Variants in RGS18 observed in about 807,000 individuals in gnomAD.
The protein encoded by RGS18 is regulator of G protein signaling 18.
A neutral mutation model predicts 27.6 loss-of-function variants in RGS18; 22 were observed. The ratio of observed to expected loss-of-function variants is 0.80; its 90% CI spans 0.57 to 1.14. RGS18 has a LOEUF of 1.14. Among genes scored for constraint, RGS18 ranks in the 50% most tolerant of loss-of-function variants. The pLI is 0.00. For synonymous variants in RGS18, 89 were observed against 84.6 expected (o/e 1.05, Z -0.29); for missense variants, 299 against 269.6 (o/e 1.11, Z -0.76).
At chr1:192,166,779 C>T (rs1249790444) in intron 3 of RGS18, among the ~76,000 whole-genome samples, 1 of 152,098 alleles carries the variant, frequency 6.6e-6, no homozygotes, top group Non-Finnish European at 1.5e-5. Context: ...AAAAAGAGAA[C>T]AGAGTAGAGT....
chr1:192,172,204 C>T (rs971935246), intron 3 of RGS18, among the ~76,000 whole-genome samples: 9 of 151,980 alleles, frequency 5.9e-5, no homozygotes, highest in Non-Finnish European at 1.3e-4. Context: ...GGAGGGGGCA[C>T]CTAGGGGATT....
At chr1:192,169,617 G>A (rs1345779293) in intron 3 of RGS18, 4 of 152,100 alleles carry the variant, frequency 2.6e-5, no homozygotes, top group Admixed American at 2.0e-4. Context: ...ATCAGCAGAA[G>A]GCACATTTCC....
chr1:192,180,470 C>T (rs1205198336), intron 3 of RGS18, among the ~76,000 whole-genome samples: 1 of 151,546 alleles, frequency 6.6e-6, no homozygotes, highest in Non-Finnish European at 1.5e-5. Flanking sequence ...TAATACCTGC[C>T]CCTAACATTT....
chr1:192,162,359 AGT>A (rs1656088969), intron 3 of RGS18, among the ~76,000 whole-genome samples: 1 of 152,066 alleles, frequency 6.6e-6, no homozygotes, highest in African/African-American at 2.4e-5. Context: ...CCTAGGCTGG[AGT>A]GCACTGGCAC....
In RGS18 at chr1:192,158,683, T is replaced by A; in HGVS notation, c.46T>A (p.Ser16Thr). 1 of 1,582,768 alleles carries A rather than the reference T, an allele frequency of 6.3e-7. No individual in the cohort carries two copies. The highest frequency in any genetic ancestry group is 2.3e-5 in the East Asian group (1 of 44,168). ...CTTTTCTCAAATAAATATGTGTGAATCAAAAGAAAAAACTTTTTTCAAGTT... is the reference window on the plus strand; with the variant it reads ...CTTTTCTCAAATAAATATGTGTGAAACAAAAGAAAAAACTTTTTTCAAGTT... ...LFFSQINMCE[S>T]KEKTFFKLIH... The change falls in exon 1 of 5, where the codon TCA (serine) becomes ACA (threonine). Residue 16 changes from serine to threonine, a missense_variant. By Grantham distance (58) the Ser-to-Thr change is moderately conservative. Coordinates refer to ENST00000367460, the MANE Select transcript of RGS18 (RefSeq NM_130782.3).
intron 3 of RGS18, among the ~76,000 whole-genome samples, chr1:192,167,369 G>A (rs537105213): frequency 8.6e-5 from 13 of 151,766 alleles, no homozygotes; most frequent in East Asian, 5.8e-4. Flanking sequence ...GAATTTCAGC[G>A]CTCTAAAAAT....
rs1478102034 is a variant in RGS18, at chr1:192,184,294, C to G, written c.451-3C>G. 3.7e-6 allele frequency: 6 copies of G among 1,601,810 alleles called. No homozygotes were observed. The highest frequency in any genetic ancestry group is 4.3e-6 in the Non-Finnish European group (5 of 1,171,430). ...TAATCACACTTTTTTTCTGTTTATC[C>G]AGGTTAACCTTGATTTTCACACAAA... On this transcript the variant is annotated splice_region_variant and splice_polypyrimidine_tract_variant and intron_variant, in intron 4 of 4. Coordinates refer to ENST00000367460, the MANE Select transcript of RGS18 (RefSeq NM_130782.3).
intron 3 of RGS18, among the ~76,000 whole-genome samples, chr1:192,171,080 G>A (rs1392868602): frequency 6.6e-6 from 1 of 152,100 alleles, no homozygotes; most frequent in Non-Finnish European, 1.5e-5. Flanking sequence ...CAATTATTTT[G>A]TAGCTAGACC....
chr1:192,162,468 C>G (rs1656090605), intron 3 of RGS18, among the ~76,000 whole-genome samples: 1 of 152,180 alleles, frequency 6.6e-6, no homozygotes, highest in South Asian at 2.1e-4. Flanking sequence ...GCCACCACAC[C>G]TGGCTAATTT....
rs187732462 is a variant in RGS18, at chr1:192,177,245, A to C, written c.284-4047A>C. Among the ~76,000 whole-genome samples, 248 of 151,784 alleles carry C rather than the reference A, an allele frequency of 1.6e-3. 1 individual carries two copies. Among genetic ancestry groups the C allele is most frequent in the African/African-American group, 5.7e-3 (238 of 41,496 alleles). The stretch of plus-strand genomic sequence containing the variant: ...ACATATTTTTGTCCATATTCACAAT[A>C]GGACACAATTTTGTGGATTTTTTTT... On this transcript the variant is annotated intron_variant, in intron 3 of 4. Coordinates refer to ENST00000367460, the MANE Select transcript of RGS18 (RefSeq NM_130782.3).
At chr1:192,176,038 G>A (rs1243633910) in intron 3 of RGS18, among the ~76,000 whole-genome samples, 1 of 151,820 alleles carries the variant, frequency 6.6e-6, no homozygotes, top group Non-Finnish European at 1.5e-5. Flanking sequence ...AAAGCAGCCT[G>A]TCCTGGTTTT....
rs369157580 is a variant in RGS18, at chr1:192,184,626, A to G, written c.*72A>G. On this transcript the variant is annotated 3_prime_UTR_variant, in exon 5 of 5. Transcript: ENST00000367460. ...TCTAACATATCGCATGTTTATGTTA[A>G]GATTTGGTCCCATCCTTTAAACTGA... The G allele has an allele frequency of 2.1e-6, 3 of 1,427,832 alleles. No individual in the cohort carries two copies. Among genetic ancestry groups the G allele is most frequent in the East Asian group, 2.3e-5 (1 of 42,948 alleles). 88.4% of individuals were successfully genotyped at this position (1,427,832 alleles called of 1,614,324 possible).
In RGS18 at chr1:192,173,216, A is replaced by G. The variant is rs374246611; in HGVS notation, c.284-8076A>G. ...TTAAAAAAATGTGGTAATCTAAGTTAAAATGAGTTGAACAGACAAAGCTAC... is the reference window on the plus strand; with the variant it reads ...TTAAAAAAATGTGGTAATCTAAGTTGAAATGAGTTGAACAGACAAAGCTAC... On this transcript the variant is annotated intron_variant, in intron 3 of 4. Coordinates refer to ENST00000367460, the MANE Select transcript of RGS18 (RefSeq NM_130782.3). Among the ~76,000 whole-genome samples, 7 of 152,090 alleles carry G rather than the reference A, an allele frequency of 4.6e-5. No homozygotes were observed. In the South Asian group the frequency reaches 6.2e-4, roughly 14 times the overall value.
At chr1:192,176,526 AT>A (rs2102158306) in intron 3 of RGS18, among the ~76,000 whole-genome samples, 1 of 151,638 alleles carries the variant, frequency 6.6e-6, no homozygotes, top group East Asian at 2.0e-4. Context: ...TTTTATAGTT[AT>A]TTGTGGTAGG....
chr1:192,159,224 A>G lies in RGS18; in HGVS notation c.124A>G (p.Lys42Glu), dbSNP rs752245561. The change falls in exon 2 of 5, where the codon AAG (lysine) becomes GAG (glutamate). Residue 42 changes from lysine to glutamate, a missense_variant. By Grantham distance (56) the Lys-to-Glu change is moderately conservative. Transcript: ENST00000367460. ...ATGAAGGCCTTTTTATTACAGAGCT[A>G]AGGAAAAAAGAAATAGACTAAGTCT... ...ETSKEAKIRA[K>E]EKRNRLSLLV... The G allele has an allele frequency of 9.9e-6, 16 of 1,608,974 alleles. No individual in the cohort carries two copies. Among genetic ancestry groups the G allele is most frequent in the Non-Finnish European group, 1.4e-5 (16 of 1,175,520 alleles).
intron 3 of RGS18, among the ~76,000 whole-genome samples, chr1:192,169,952 A>G (rs376592833): frequency 1.3e-5 from 2 of 152,202 alleles, no homozygotes; most frequent in South Asian, 2.1e-4. Flanking sequence ...TACTTTAGCA[A>G]TTTGAAAGAT....
intron 2 of RGS18, 94 bp downstream of exon 2, chr1:192,159,415 A>T (rs1656031365): frequency 1.3e-6 from 1 of 785,116 alleles, no homozygotes; most frequent in Admixed American, 2.4e-5. Flanking sequence ...ATTTATTGAA[A>T]ATTACACAGC....
At chr1:192,182,080 T>C (rs1656466496) in intron 4 of RGS18, among the ~76,000 whole-genome samples, 1 of 151,688 alleles carries the variant, frequency 6.6e-6, no homozygotes, top group Admixed American at 6.6e-5. Flanking sequence ...ATTTTCTTTA[T>C]ACATTCATCC....
At chr1:192,183,077 TATTA>T (rs1656482757) in intron 4 of RGS18, among the ~76,000 whole-genome samples, 1 of 151,566 alleles carries the variant, frequency 6.6e-6, no homozygotes, top group Non-Finnish European at 1.5e-5. Context: ...TGCCCTAAAA[TATTA>T]ATTAAGTAGA....
Sources: allele counts gnomAD v4.1 joint callset (sites outside exome capture counted in the v4.1 genomes callset), GRCh38; gene constraint gnomAD v4.1.1; transcripts MANE v1.5; gene names NCBI Gene and HGNC (gene_info 2026-07-23, HGNC 2026-07-21).